Variants in ARPP21 observed in about 807,000 individuals in gnomAD.
ARPP21 encodes cAMP regulated phosphoprotein 21, also known as cAMP-regulated phosphoprotein 21.
Under a neutral mutation model 113.2 loss-of-function variants are expected in ARPP21, and 69 were observed. That is an observed-to-expected ratio of 0.61 (90% CI 0.50 to 0.74). The LOEUF (loss-of-function observed/expected upper bound fraction) is 0.74. ARPP21 is among the 30% of genes least tolerant of loss of function. The pLI, the probability that ARPP21 is intolerant of heterozygous loss-of-function variation, is 0.00. For missense variants in ARPP21, 1,070 were observed against 1,037.4 expected (o/e 1.03, Z -0.43); for synonymous variants, 368 against 375.5 (o/e 0.98, Z 0.23).
chr3:35,680,099 T>G (rs2078466491), intron 2 of ARPP21, 139 bp downstream of exon 2: 1 of 152,284 alleles, frequency 6.6e-6, no homozygotes, highest in Admixed American at 6.6e-5. Flanking sequence ...GCTTGTAGTT[T>G]GGAGAATTAG....
At chr3:35,674,015 T>G (rs2149358417) in intron 1 of ARPP21, among the ~76,000 whole-genome samples, 1 of 152,048 alleles carries the variant, frequency 6.6e-6, no homozygotes, top group Non-Finnish European at 1.5e-5. Flanking sequence ...CATTAGAGAG[T>G]GTCTCCAATA....
At position 35,640,105 on chromosome 3, in the gene ARPP21, C is replaced by CG. The variant is rs1392227318; in HGVS notation, c.-502dup. 1 of 152,260 alleles carries CG rather than the reference C, an allele frequency of 6.6e-6. No homozygotes were observed. The highest frequency in any genetic ancestry group is 1.5e-5 in the Non-Finnish European group (1 of 68,132). 9.4% of individuals were successfully genotyped at this position (152,260 alleles called of 1,614,324 possible). A position where few individuals can be genotyped will look rare whatever the true frequency, so the allele number is the denominator to read the frequency against. Reference sequence around the variant, plus strand: ...CAGAGACCAGCAGCAGCAGGGGCAGCGGGGACACAAGCCGCGACCGAGCCG... The same window carrying CG: ...CAGAGACCAGCAGCAGCAGGGGCAGCGGGGGACACAAGCCGCGACCGAGCCG... On this transcript the variant is annotated 5_prime_UTR_variant, in exon 1 of 21. Coordinates refer to ENST00000684406, the MANE Select transcript of ARPP21 (RefSeq NM_001385562.1).
chr3:35,737,178 G>T lies in ARPP21; in HGVS notation c.1460G>T (p.Gly487Val), dbSNP rs373077350. 8.7e-6 allele frequency: 14 copies of T among 1,601,368 alleles called. No homozygotes were observed. The highest frequency in any genetic ancestry group is 1.2e-5 in the Non-Finnish European group (14 of 1,170,874). The change falls in exon 16 of 21, where the codon GGC becomes GTC. Residue 487 changes from glycine (G) to valine (V), a missense_variant and splice_region_variant. Physicochemically the swap from Gly to Val is moderately radical, Grantham distance 109. Coordinates refer to ENST00000684406, the MANE Select transcript of ARPP21 (RefSeq NM_001385562.1). Reference sequence around the variant, plus strand: ...GGACTAAGTTCTGATTCCATTGCAGGCCAGCCCTTTGTGAATCCCGATGGA... The same window carrying T: ...GGACTAAGTTCTGATTCCATTGCAGTCCAGCCCTTTGTGAATCCCGATGGA... ...PGSILLNPHT[G>V]QPFVNPDGTP...
rs371775285 is a variant in ARPP21 at position 35,762,126 on chromosome 3, T to TCACACACA, written c.2137+18183_2137+18190dup. ...CTCTCTCTCTCTCTCTCTCTCTCTCTCACACACACACACACACACACACAC... is the reference window on the plus strand; with the variant it reads ...CTCTCTCTCTCTCTCTCTCTCTCTCTCACACACACACACACACACACACACACACACAC... On this transcript the variant is annotated intron_variant, in intron 19 of 20. Coordinates refer to ENST00000684406, the MANE Select transcript of ARPP21 (RefSeq NM_001385562.1). Among the ~76,000 whole-genome samples the TCACACACA allele has an allele frequency of 6.5e-3, 820 of 127,012 alleles. 8 individuals carry two copies. The highest frequency in any genetic ancestry group is 0.019 in the African/African-American group (702 of 36,222). The allele number at this position is 127,012 out of a possible 152,430, so 83.3% of individuals were successfully genotyped here.
chr3:35,773,857 T>A (rs1412323455), intron 19 of ARPP21, among the ~76,000 whole-genome samples: 1 of 152,200 alleles, frequency 6.6e-6, no homozygotes, highest in African/African-American at 2.4e-5. Context: ...ACATCTGTTT[T>A]AAATATGGGC....
At chr3:35,763,877 T>A (rs373188842) in intron 19 of ARPP21, among the ~76,000 whole-genome samples, 1 of 152,164 alleles carries the variant, frequency 6.6e-6, no homozygotes, top group South Asian at 2.1e-4. Flanking sequence ...CAAATATTAT[T>A]TTCAGGCCGG....
chr3:35,644,983 T>C (rs1699651366), intron 1 of ARPP21, among the ~76,000 whole-genome samples: 1 of 151,946 alleles, frequency 6.6e-6, no homozygotes, highest in African/African-American at 2.4e-5. Flanking sequence ...TAGGATACAA[T>C]TGTAATTGCG....
intron 19 of ARPP21, among the ~76,000 whole-genome samples, chr3:35,787,348 A>G (rs2096653958): frequency 6.6e-6 from 1 of 152,236 alleles, no homozygotes; most frequent in Non-Finnish European, 1.5e-5. Flanking sequence ...CTATTTGCAC[A>G]TTTCAAGATT....
Position 35,663,187 on chromosome 3 carries a change from G to A in ARPP21, c.-212-16600G>A, listed in dbSNP as rs560595568. 1.3e-4 allele frequency among the ~76,000 whole-genome samples: 20 copies of A among 152,154 alleles called. 1 individual carries two copies. The South Asian group carries it at 3.9e-3, about 30-fold the overall frequency. Reference sequence around the variant, plus strand: ...AAACTTCATGATGCCTAGAGCAGACGTATCTAAATGCTTACCCCAGAATTG... The same window carrying A: ...AAACTTCATGATGCCTAGAGCAGACATATCTAAATGCTTACCCCAGAATTG... On this transcript the variant is annotated intron_variant, in intron 1 of 20. Coordinates refer to ENST00000684406, the MANE Select transcript of ARPP21 (RefSeq NM_001385562.1).
At chr3:35,668,876 A>G (rs1011091001) in intron 1 of ARPP21, among the ~76,000 whole-genome samples, 5 of 152,120 alleles carry the variant, frequency 3.3e-5, no homozygotes, top group Admixed American at 6.6e-5. Flanking sequence ...TCTTTGAGGC[A>G]TAGAACACAT....
chr3:35,663,567 A>C (rs1252320139), intron 1 of ARPP21, among the ~76,000 whole-genome samples: 1 of 152,194 alleles, frequency 6.6e-6, no homozygotes, highest in Admixed American at 6.5e-5. Context: ...TTTTAATAGC[A>C]CAAAGCACAG....
intron 3 of ARPP21, 150 bp downstream of exon 3, chr3:35,682,030 C>A: frequency 1.0e-6 from 1 of 973,778 alleles, no homozygotes; most frequent in Non-Finnish European, 1.5e-6. Flanking sequence ...CAATTTTTGT[C>A]ACTTTTTGTC....
At chr3:35,709,969 C>T (rs2090512775) in intron 11 of ARPP21, among the ~76,000 whole-genome samples, 1 of 152,194 alleles carries the variant, frequency 6.6e-6, no homozygotes, top group Admixed American at 6.5e-5. Context: ...CAGTGCTTAG[C>T]TTGGAGGAAG....
chr3:35,726,107 TAGAG>T (rs764387741), intron 14 of ARPP21, among the ~76,000 whole-genome samples: 83 of 152,254 alleles, frequency 5.5e-4, no homozygotes, highest in Non-Finnish European at 1.1e-3. Context: ...ACAATTCTTA[TAGAG>T]AAACTAGCAC....
chr3:35,751,786 G>T (rs1205073802), intron 19 of ARPP21, among the ~76,000 whole-genome samples: 1 of 152,056 alleles, frequency 6.6e-6, no homozygotes, highest in African/African-American at 2.4e-5. Context: ...AGCACCTACA[G>T]AATTAATGAC....
chr3:35,690,018 T>C (rs1245063147), intron 7 of ARPP21, 63 bp from the exon 8 acceptor site: 4 of 770,662 alleles, frequency 5.2e-6, no homozygotes, highest in Non-Finnish European at 9.5e-6. Context: ...ATTTAATTAA[T>C]TCTTTAGGTT....
intron 19 of ARPP21, among the ~76,000 whole-genome samples, chr3:35,782,072 A>G (rs2096537795): frequency 6.6e-6 from 1 of 152,216 alleles, no homozygotes; most frequent in Admixed American, 6.5e-5. Context: ...AGGAAAAATC[A>G]GAGGAAACTT....
At chr3:35,719,611 A>C (rs544715012) in intron 13 of ARPP21, among the ~76,000 whole-genome samples, 20 of 152,268 alleles carry the variant, frequency 1.3e-4, no homozygotes, top group African/African-American at 4.8e-4. Context: ...TTTTACAGAA[A>C]GTCTGGATTC....
chr3:35,662,223 G>A (rs935991599), intron 1 of ARPP21, among the ~76,000 whole-genome samples: 12 of 152,232 alleles, frequency 7.9e-5, no homozygotes, highest in African/African-American at 2.2e-4. Flanking sequence ...ATACATGTGC[G>A]TACTGTATGT....
Sources: gnomAD v4.1 joint callset for allele counts (sites outside exome capture counted in the v4.1 genomes callset) on GRCh38, gnomAD v4.1.1 for gene constraint, MANE v1.5 for transcripts, NCBI Gene and HGNC (gene_info 2026-07-23, HGNC 2026-07-21) for gene names.